Variants in SUGCT observed in about 807,000 individuals in gnomAD.
SUGCT encodes succinyl-CoA:glutarate-CoA transferase, also known as succinyl-CoA:glutarate CoA-transferase.
In SUGCT, 41 loss-of-function variants were observed where a neutral mutation model predicts 55.0. That is an observed-to-expected ratio of 0.74 (90% CI 0.58 to 0.97). The LOEUF is 0.97. Ranked by LOEUF, SUGCT falls within the 50% of genes least tolerant of loss-of-function variation. SUGCT has a pLI of 0.00. For synonymous variants in SUGCT, 187 were observed against 200.4 expected (o/e 0.93, Z 0.56); for missense variants, 568 against 547.8 (o/e 1.04, Z -0.37).
At chr7:40,625,723 C>T (rs560195878) in intron 12 of SUGCT, among the ~76,000 whole-genome samples, 2 of 152,148 alleles carry the variant, frequency 1.3e-5, no homozygotes, top group African/African-American at 4.8e-5. Context: ...AATCCCCCAG[C>T]CCCTGCAACA....
intron 9 of SUGCT, among the ~76,000 whole-genome samples, chr7:40,440,650 C>G (rs944931476): frequency 6.6e-6 from 1 of 152,148 alleles, no homozygotes; most frequent in African/African-American, 2.4e-5. Flanking sequence ...CCATCTCAAT[C>G]TATTTCTAGG....
Position 40,860,485 on chromosome 7 carries a change from G to A in SUGCT, c.*6G>A, listed in dbSNP as rs1414974078. 12 of 1,607,044 alleles carry A rather than the reference G, an allele frequency of 7.5e-6. No individual in the cohort carries two copies. Among genetic ancestry groups the A allele is most frequent in the Non-Finnish European group, 9.4e-6 (11 of 1,175,042 alleles). ...ACCAACATGAAACTCACTGACAAAG[G>A]AAAAGGGCTCTTCCTCATAACCTCG... is the stretch of plus-strand genomic sequence containing the variant. On this transcript the variant is annotated 3_prime_UTR_variant, in exon 14 of 14. Coordinates refer to ENST00000335693, the MANE Select transcript of SUGCT (RefSeq NM_001193313.2).
chr7:40,808,732 T>C (rs531486560), intron 13 of SUGCT, among the ~76,000 whole-genome samples: 30 of 152,366 alleles, frequency 2.0e-4, no homozygotes, highest in African/African-American at 7.2e-4. Context: ...TTCAGACAGA[T>C]TGTTTTCCTT....
chr7:40,807,776 G>T (rs922997463), intron 13 of SUGCT, among the ~76,000 whole-genome samples: 1 of 152,188 alleles, frequency 6.6e-6, no homozygotes. Flanking sequence ...ACAAGGTGAG[G>T]TCCCACAATA....
intron 7 of SUGCT, among the ~76,000 whole-genome samples, chr7:40,256,842 C>T (rs1790843356): frequency 6.6e-6 from 1 of 151,972 alleles, no homozygotes; most frequent in South Asian, 2.1e-4. Flanking sequence ...CTCCCAGGTT[C>T]AAGTGATTCT....
chr7:40,995,382 G>GTTA, the SUGCT span, among the ~76,000 whole-genome samples: 6,042 of 145,502 alleles, frequency 0.042, 226 homozygotes, highest in South Asian at 0.2. Flanking sequence ...TATAATAGCT[G>GTTA]TTATTATTAT....
chr7:40,651,565 C>T (rs551466851), intron 12 of SUGCT, among the ~76,000 whole-genome samples: 1 of 152,050 alleles, frequency 6.6e-6, no homozygotes, highest in South Asian at 2.1e-4. Context: ...GCATTTTTTT[C>T]ACTGGTTTTC....
At chr7:40,736,050 C>T (rs1787136363) in intron 12 of SUGCT, among the ~76,000 whole-genome samples, 1 of 151,656 alleles carries the variant, frequency 6.6e-6, no homozygotes, top group Non-Finnish European at 1.5e-5. Context: ...TGATTGGATA[C>T]ATAGATCTGA....
rs181233540 is a variant in SUGCT, at chr7:40,228,993, T to C, written c.485-8642T>C. On this transcript the variant is annotated intron_variant, in intron 6 of 13. Coordinates refer to ENST00000335693, the MANE Select transcript of SUGCT (RefSeq NM_001193313.2). ...GGTTGGCTTCTGCGTCTTTTTGACATGACCAATAATTTTTGATAGCTTCCT... is the reference window on the plus strand; with the variant it reads ...GGTTGGCTTCTGCGTCTTTTTGACACGACCAATAATTTTTGATAGCTTCCT... 1.0e-3 allele frequency among the ~76,000 whole-genome samples: 153 copies of C among 152,330 alleles called. 3 individuals carry two copies. Among genetic ancestry groups the C allele is most frequent in the African/African-American group, 3.5e-3 (144 of 41,578 alleles).
intron 6 of SUGCT, among the ~76,000 whole-genome samples, chr7:40,196,723 G>T (rs1460628546): frequency 6.6e-6 from 1 of 152,086 alleles, no homozygotes; most frequent in East Asian, 1.9e-4. Flanking sequence ...ATAGAGATGA[G>T]GTTTTGCCAT....
chr7:40,481,964 T>C (rs1791077971), intron 11 of SUGCT, among the ~76,000 whole-genome samples: 1 of 152,160 alleles, frequency 6.6e-6, no homozygotes. Flanking sequence ...ATGAGGACTT[T>C]TGTCTATTTT....
At chr7:41,021,187 C>G in the SUGCT span, among the ~76,000 whole-genome samples, 10 of 152,160 alleles carry the variant, frequency 6.6e-5, no homozygotes, top group African/African-American at 2.4e-4. Flanking sequence ...CTGCCACAGG[C>G]AGAGGAGTGA....
intron 7 of SUGCT, among the ~76,000 whole-genome samples, chr7:40,249,334 T>G (rs1275602428): frequency 4.9e-5 from 6 of 121,510 alleles, no homozygotes; most frequent in Non-Finnish European, 6.9e-5. Flanking sequence ...TATATATATA[T>G]ATATATATAT....
rs747590282 is a variant in SUGCT at position 40,188,515 on chromosome 7, A to G, written c.247A>G (p.Thr83Ala). Residue 83 changes from threonine to alanine, a missense_variant, in exon 4 of 14, where the codon ACT (threonine) becomes GCT (alanine). Thr to Ala is a moderately conservative substitution (Grantham distance 58). Coordinates refer to ENST00000335693, the MANE Select transcript of SUGCT (RefSeq NM_001193313.2). ...ERPGAGDDTR[T>A]WGPPFVGTES... ...TTCAGGAGCTGGTGATGATACACGA[A>G]CTTGGGGGCCACCTTTTGTTGGGAC... 1.6e-5 allele frequency: 26 copies of G among 1,610,008 alleles called. No individual in the cohort carries two copies. Among genetic ancestry groups the G allele is most frequent in the Non-Finnish European group, 2.1e-5 (25 of 1,178,602 alleles).
At chr7:40,673,166 T>TTAAAA (rs1802025947) in intron 12 of SUGCT, among the ~76,000 whole-genome samples, 2 of 152,218 alleles carry the variant, frequency 1.3e-5, no homozygotes, top group African/African-American at 4.8e-5. Context: ...TTTGTTTAGA[T>TTAAAA]TAAAATTTGG....
chr7:40,178,416 A>G (rs1192171709), intron 1 of SUGCT, among the ~76,000 whole-genome samples: 1 of 152,172 alleles, frequency 6.6e-6, no homozygotes, highest in Non-Finnish European at 1.5e-5. Context: ...TTTCCGAGAA[A>G]GGATGCATGA....
chr7:40,634,516 G>A (rs1443292257), intron 12 of SUGCT, among the ~76,000 whole-genome samples: 1 of 152,168 alleles, frequency 6.6e-6, no homozygotes. Context: ...TATAAGACCT[G>A]GTTCTGCACT....
chr7:40,291,908 G>A (rs1313256999), intron 8 of SUGCT, among the ~76,000 whole-genome samples: 1 of 152,130 alleles, frequency 6.6e-6, no homozygotes, highest in Admixed American at 6.6e-5. Context: ...AAAGAGGCAA[G>A]GAAACAGATT....
chr7:40,135,341 C>T (rs902539531), intron 1 of SUGCT, among the ~76,000 whole-genome samples: 2 of 152,356 alleles, frequency 1.3e-5, no homozygotes, highest in East Asian at 3.9e-4. Context: ...TGACCGAGGG[C>T]TCCGTGCGCC....
Sources: allele counts gnomAD v4.1 joint callset (sites outside exome capture counted in the v4.1 genomes callset), GRCh38; gene constraint gnomAD v4.1.1; transcripts MANE v1.5; gene names NCBI Gene and HGNC (gene_info 2026-07-23, HGNC 2026-07-21).